THRB: variants seen among roughly 807,000 people sequenced by gnomAD.
THRB encodes thyroid hormone receptor beta.
THRB carries 12 observed loss-of-function variants against 47.8 expected under a neutral mutation model. The observed-to-expected ratio is 0.25, with a 90% CI of 0.16 to 0.41. The LOEUF is 0.41. Ranked by LOEUF, THRB falls within the 10% of genes least tolerant of loss-of-function variation. The pLI is 1.00. For missense variants in THRB, 348 were observed against 589.2 expected (o/e 0.59, Z 4.24); for synonymous variants, 218 against 212.2 (o/e 1.03, Z -0.24).
intron 1 of THRB, chr3:24,348,997 A>G (rs1343925110): frequency 3.3e-5 from 5 of 152,162 alleles, no homozygotes; most frequent in African/African-American, 9.7e-5. Flanking sequence ...ATTAAAACTA[A>G]TAAGTTAATA....
chr3:24,365,316 AT>A (rs2064383141), intron 1 of THRB, among the ~76,000 whole-genome samples: 1 of 152,182 alleles, frequency 6.6e-6, no homozygotes. Context: ...CCCTCTGCCC[AT>A]GTTTGCAAGC....
intron 5 of THRB, among the ~76,000 whole-genome samples, chr3:24,167,501 A>G (rs943613557): frequency 3.3e-5 from 5 of 152,052 alleles, no homozygotes; most frequent in South Asian, 4.1e-4. Flanking sequence ...AGCAATAACT[A>G]TTTTCTGAAA....
At chr3:24,165,260 T>C (rs367892336) in intron 5 of THRB, 2 of 765,182 alleles carry the variant, frequency 2.6e-6, no homozygotes, top group Non-Finnish European at 4.8e-6. Flanking sequence ...ACCCGGACTA[T>C]CTTCAAAATA....
chr3:24,143,477 C>A (rs1233654363), intron 8 of THRB, 24 bp downstream of exon 8: 2 of 1,612,072 alleles, frequency 1.2e-6, no homozygotes, highest in Admixed American at 1.7e-5. Flanking sequence ...ATAAGTGAAA[C>A]TGATCTGTGC....
In THRB at chr3:24,238,274, TGTGTGG is replaced by T. The variant is rs1294763949; in HGVS notation, c.-42-9279_-42-9274del. ...GAGGGTGTGTGTGTATGTGTGTGTG[TGTGTGG>T]GGGGGGGGGGGGTGTGTGGGGTGTG... On this transcript the variant is annotated intron_variant, in intron 3 of 10. Transcript: ENST00000646209. Among the ~76,000 whole-genome samples the T allele has an allele frequency of 4.6e-3, 37 of 7,970 alleles. No individual in the cohort carries two copies. In the South Asian group the frequency reaches 0.055, roughly 12 times the overall value. The allele number at this position is 7,970 out of a possible 152,430, so 5.2% of individuals were successfully genotyped here. A position where few individuals can be genotyped will look rare whatever the true frequency, so the allele number is the denominator to read the frequency against.
intron 1 of THRB, among the ~76,000 whole-genome samples, chr3:24,354,717 A>G (rs1422621713): frequency 1.3e-5 from 2 of 152,176 alleles, no homozygotes; most frequent in Admixed American, 6.6e-5. Context: ...CATGAGTAAA[A>G]GTGAAGAGCA....
At chr3:24,301,797 G>T (rs1194478759) in intron 2 of THRB, among the ~76,000 whole-genome samples, 1 of 152,218 alleles carries the variant, frequency 6.6e-6, no homozygotes, top group Non-Finnish European at 1.5e-5. Context: ...TTGAGATGGG[G>T]ATATTATTCT....
chr3:24,310,696 T>C (rs1164824401), intron 2 of THRB, among the ~76,000 whole-genome samples: 7 of 152,174 alleles, frequency 4.6e-5, no homozygotes. Context: ...CAGTAGACAT[T>C]TGGCAATGTC....
At chr3:24,298,462 C>A (rs769394756) in intron 2 of THRB, among the ~76,000 whole-genome samples, 1 of 152,142 alleles carries the variant, frequency 6.6e-6, no homozygotes, top group African/African-American at 2.4e-5. Context: ...AATTAAGAGG[C>A]CAATAGTATT....
At chr3:24,383,842 C>CA (rs2065883667) in intron 1 of THRB, among the ~76,000 whole-genome samples, 2 of 152,110 alleles carry the variant, frequency 1.3e-5, no homozygotes, top group African/African-American at 4.8e-5. Flanking sequence ...GTGTAGGAAA[C>CA]AGATTCTCTT....
intron 5 of THRB, among the ~76,000 whole-genome samples, chr3:24,153,384 C>G (rs1308959870): frequency 6.6e-6 from 1 of 152,116 alleles, no homozygotes; most frequent in Non-Finnish European, 1.5e-5. Flanking sequence ...GGAGAGTTGA[C>G]TTTAAGTAGA....
chr3:24,428,426 C>A (rs1332098068), intron 1 of THRB, among the ~76,000 whole-genome samples: 2 of 151,994 alleles, frequency 1.3e-5, no homozygotes, highest in African/African-American at 4.8e-5. Context: ...AGTGATCAAG[C>A]CTGTCTCTTA....
At chr3:24,173,666 A>T (rs77067251) in intron 5 of THRB, among the ~76,000 whole-genome samples, 589 of 152,244 alleles carry the variant, frequency 3.9e-3, no homozygotes, top group African/African-American at 0.014. Flanking sequence ...TGTCTCCTCT[A>T]TCCCTGGACA....
intron 1 of THRB, among the ~76,000 whole-genome samples, chr3:24,386,240 G>A (rs11129151): frequency 0.88 from 133,586 of 151,970 alleles, 59,854 homozygotes; most frequent in Non-Finnish European, 0.96. Flanking sequence ...ACAAAAACCC[G>A]AGCCAAGGCA....
intron 3 of THRB, among the ~76,000 whole-genome samples, chr3:24,268,326 G>A (rs1364910879): frequency 6.6e-6 from 1 of 152,124 alleles, no homozygotes; most frequent in African/African-American, 2.4e-5. Flanking sequence ...TGTAAACCCT[G>A]ACAAATAAAA....
chr3:24,227,350 T>C (rs548962226), intron 4 of THRB, among the ~76,000 whole-genome samples: 3 of 152,292 alleles, frequency 2.0e-5, no homozygotes, highest in East Asian at 1.9e-4. Context: ...AACAGAAACA[T>C]TGAGGCTGTA....
intron 3 of THRB, among the ~76,000 whole-genome samples, chr3:24,248,516 C>G (rs944596357): frequency 4.6e-5 from 7 of 152,174 alleles, no homozygotes; most frequent in Admixed American, 2.0e-4. Context: ...CCCTCAGCTC[C>G]AGATCCACCC....
chr3:24,149,458 G>C (rs1208791173), intron 6 of THRB, among the ~76,000 whole-genome samples: 1 of 152,142 alleles, frequency 6.6e-6, no homozygotes, highest in African/African-American at 2.4e-5. Flanking sequence ...CAGAGAATGA[G>C]GTGTGACACA....
chr3:24,302,909 A>T (rs1164501382), intron 2 of THRB, among the ~76,000 whole-genome samples: 1 of 152,204 alleles, frequency 6.6e-6, no homozygotes, highest in East Asian at 1.9e-4. Context: ...AATGGCTATA[A>T]AGAAGACTTA....
Sources: allele counts gnomAD v4.1 joint callset (sites outside exome capture counted in the v4.1 genomes callset), GRCh38; gene constraint gnomAD v4.1.1; transcripts MANE v1.5; gene names NCBI Gene and HGNC (gene_info 2026-07-23, HGNC 2026-07-21).